SAFB: variants seen among roughly 807,000 people sequenced by gnomAD.
SAFB encodes scaffold attachment factor B1.
In SAFB, 15 loss-of-function variants were observed where a neutral mutation model predicts 101.6. The observed-to-expected ratio is 0.15, with a 90% confidence interval of 0.10 to 0.23. SAFB has a LOEUF of 0.23. SAFB is among the 10% of genes least tolerant of loss of function. SAFB has a pLI of 1.00. For missense variants in SAFB, 930 were observed against 1,104.1 expected, an observed-to-expected ratio of 0.84 and a Z score of 2.23; for synonymous variants, 449 against 407.5, an observed-to-expected ratio of 1.10 and a Z score of -1.23.
intron 13 of SAFB, among the ~76,000 whole-genome samples, chr19:5,656,969 C>T (rs975196914): frequency 3.3e-5 from 5 of 151,976 alleles, no homozygotes; most frequent in South Asian, 4.1e-4. Context: ...GACGGGGTTT[C>T]ACCGTGTTAG....
intron 2 of SAFB, among the ~76,000 whole-genome samples, chr19:5,638,143 A>C (rs1479945220): frequency 6.6e-6 from 1 of 152,114 alleles, no homozygotes; most frequent in African/African-American, 2.4e-5. Flanking sequence ...TGCCCTTGTG[A>C]ACTGTTGCAA....
At chr19:5,641,691 G>A (rs2053717160) in intron 3 of SAFB, 33 bp downstream of exon 3, 1 of 1,613,238 alleles carries the variant, frequency 6.2e-7, no homozygotes, top group Non-Finnish European at 8.5e-7. Flanking sequence ...GTAGCGTGGT[G>A]GATGGACCAG....
intron 14 of SAFB, among the ~76,000 whole-genome samples, chr19:5,659,282 G>C (rs1269142053): frequency 6.6e-6 from 1 of 152,134 alleles, no homozygotes; most frequent in East Asian, 1.9e-4. Context: ...TCCAGCCTGG[G>C]CAACAAGAGC....
intron 2 of SAFB, among the ~76,000 whole-genome samples, chr19:5,630,826 A>G (rs1186281772): frequency 1.3e-5 from 2 of 152,022 alleles, no homozygotes; most frequent in East Asian, 1.9e-4. Context: ...TTATTTTTAC[A>G]TTTTACATTT....
chr19:5,646,132 T>A (rs547157413), intron 5 of SAFB, among the ~76,000 whole-genome samples: 10 of 152,316 alleles, frequency 6.6e-5, no homozygotes, highest in African/African-American at 1.9e-4. Context: ...GAACTTTTTG[T>A]GGAGAAATGA....
chr19:5,623,355 G>A lies in SAFB; in HGVS notation c.150G>A (p.Ser50=), dbSNP rs1479407567. Reference sequence around the variant, plus strand: ...AGCTGAGGAAACGGAATGTGGACTCGAGCGGCAACAAGAGCGTTTTGATGG... The same window carrying A: ...AGCTGAGGAAACGGAATGTGGACTCAAGCGGCAACAAGAGCGTTTTGATGG... ...RAELRKRNVD[S]SGNKSVLMER... Residue 50 remains serine, a synonymous_variant, in exon 1 of 21, where the codon TCG becomes TCA. Coordinates refer to ENST00000588852, the MANE Select transcript of SAFB (RefSeq NM_001201338.2). The A allele has an allele frequency of 5.0e-6, 8 of 1,614,028 alleles. 1 individual carries two copies. In the South Asian group the frequency reaches 7.7e-5, roughly 16 times the overall value.
chr19:5,667,491 A>G lies in SAFB; in HGVS notation c.2557+41A>G. ...GGGCTGGGACCAGGATGTGCTGGGG[A>G]GTGATGGAAAGATGGAGGCCGCGCC... On this transcript the variant is annotated intron_variant, in intron 19 of 20. Coordinates refer to ENST00000588852, the MANE Select transcript of SAFB (RefSeq NM_001201338.2). This position sits in a 1 kb window ranked among gnomAD's most constrained non-coding sequence, Gnocchi z 4.0. 3 of 1,372,802 alleles carry G rather than the reference A, an allele frequency of 2.2e-6. No individual in the cohort carries two copies. Among genetic ancestry groups the G allele is most frequent in the Non-Finnish European group, 3.0e-6 (3 of 1,008,296 alleles). 85.0% of individuals were successfully genotyped at this position (1,372,802 alleles called of 1,614,324 possible). A position where few individuals can be genotyped will look rare whatever the true frequency, so the allele number is the denominator to read the frequency against.
intron 17 of SAFB, chr19:5,665,376 C>T (rs1289172796): frequency 6.6e-6 from 1 of 152,222 alleles, no homozygotes; most frequent in African/African-American, 2.4e-5. Flanking sequence ...GGTGTCACCC[C>T]TTCCTGCTGA....
chr19:5,642,602 G>A (rs915446985), intron 4 of SAFB, among the ~76,000 whole-genome samples: 1 of 143,714 alleles, frequency 7.0e-6, no homozygotes. Flanking sequence ...ATAGTGGGTA[G>A]TATTTCCTGA....
intron 2 of SAFB, among the ~76,000 whole-genome samples, chr19:5,635,796 T>C (rs757661368): frequency 2.7e-4 from 41 of 152,026 alleles, no homozygotes; most frequent in South Asian, 2.1e-4. Flanking sequence ...GTCATGCCCA[T>C]AGCTGAGACC....
At chr19:5,647,949 G>A in intron 5 of SAFB, 67 bp from the exon 6 acceptor site, 1 of 1,382,570 alleles carries the variant, frequency 7.2e-7, no homozygotes, top group Non-Finnish European at 1.0e-6. Flanking sequence ...GTTATTCTGG[G>A]TTTTCATTTA....
chr19:5,668,433 G>GTTTT lies in SAFB; in HGVS notation c.*151_*154dup. 1.5e-6 allele frequency: 1 copy of GTTTT among 668,206 alleles called. No homozygotes were observed. The highest frequency in any genetic ancestry group is 2.2e-6 in the Non-Finnish European group (1 of 452,336). 41.4% of individuals were successfully genotyped at this position (668,206 alleles called of 1,614,324 possible). ...ATGTGAATTTGTTTTTCGTTTTGGG[G>GTTTT]TTTTTTTTTTTTGTAATAAATGTGT... On this transcript the variant is annotated 3_prime_UTR_variant, in exon 21 of 21. Transcript: ENST00000588852.
At chr19:5,652,459 T>A (rs955011129) in intron 9 of SAFB, among the ~76,000 whole-genome samples, 5 of 152,196 alleles carry the variant, frequency 3.3e-5, no homozygotes, top group African/African-American at 4.8e-5. Context: ...GAATGTCCTC[T>A]GGGACTAGGA....
intron 2 of SAFB, among the ~76,000 whole-genome samples, chr19:5,635,888 A>G (rs1300251470): frequency 2.6e-5 from 4 of 152,122 alleles, no homozygotes; most frequent in African/African-American, 9.7e-5. Flanking sequence ...ATGGCTCTTC[A>G]GTTTTTGCCA....
chr19:5,642,004 A>G, intron 4 of SAFB, 58 bp downstream of exon 4: 1 of 1,346,390 alleles, frequency 7.4e-7, no homozygotes, highest in Non-Finnish European at 1.1e-6. Flanking sequence ...CCACAATTAA[A>G]ATAGGTGATC....
At chr19:5,647,690 C>T (rs1234278079) in intron 5 of SAFB, among the ~76,000 whole-genome samples, 1 of 152,170 alleles carries the variant, frequency 6.6e-6, no homozygotes, top group East Asian at 1.9e-4. Flanking sequence ...CCTCTAGATG[C>T]TAACAGTAGA....
rs373815918 is a variant in SAFB, at chr19:5,649,051, A to G, written c.700A>G (p.Ser234Gly). Reference sequence around the variant, plus strand: ...TAAATCTGAGCCAGTAAAAGAAGAAAGTTCCGAGCTGGAGCAGCCATTTGC... The same window carrying G: ...TAAATCTGAGCCAGTAAAAGAAGAAGGTTCCGAGCTGGAGCAGCCATTTGC... ...TCKSEPVKEE[S>G]SELEQPFAQD... The change falls in exon 7 of 21, where the codon AGT (serine) becomes GGT (glycine). Residue 234 changes from serine (S) to glycine (G), a missense_variant. By Grantham distance (56) the Ser-to-Gly change is moderately conservative. This residue lies in a region of SAFB where 130 missense variants were observed against 114.2 expected (regional missense o/e 1.14). Coordinates refer to ENST00000588852, the MANE Select transcript of SAFB (RefSeq NM_001201338.2). The G allele has an allele frequency of 6.4e-5, 32 of 496,590 alleles. No homozygotes were observed. The African/African-American group carries it at 1.1e-3, about 16-fold the overall frequency. 30.8% of individuals were successfully genotyped at this position (496,590 alleles called of 1,614,324 possible).
At position 5,667,854 on chromosome 19, in the gene SAFB, T is replaced by A; in HGVS notation, c.2592T>A (p.Pro864=). Residue 864 remains proline, a synonymous_variant, in exon 20 of 21, where the codon CCT becomes CCA. Coordinates refer to ENST00000588852, the MANE Select transcript of SAFB (RefSeq NM_001201338.2). The surrounding 1 kb of genome is among the most constrained non-coding windows in gnomAD (Gnocchi z 4.0). ...GERSMSGHSG[P]GHMMNRGGMS... ...GAAGCATGTCCGGTCACTCCGGGCCTGGCCACATGATGAACCGAGGAGGAA... is the reference window on the plus strand; with the variant it reads ...GAAGCATGTCCGGTCACTCCGGGCCAGGCCACATGATGAACCGAGGAGGAA... 6.8e-6 allele frequency: 11 copies of A among 1,611,128 alleles called. No homozygotes were observed. The highest frequency in any genetic ancestry group is 9.3e-6 in the Non-Finnish European group (11 of 1,178,742).
Position 5,641,962 on chromosome 19 carries a change from T to C in SAFB, c.546+16T>C, listed in dbSNP as rs774139180. On this transcript the variant is annotated intron_variant, in intron 4 of 20. Coordinates refer to ENST00000588852, the MANE Select transcript of SAFB (RefSeq NM_001201338.2). ...GGAACATGCTGTAGGTAACCGGCAATGTCTCTAGAATGTGCCCTGAATGTA... is the reference window on the plus strand; with the variant it reads ...GGAACATGCTGTAGGTAACCGGCAACGTCTCTAGAATGTGCCCTGAATGTA... 8 of 1,602,486 alleles carry C rather than the reference T, an allele frequency of 5.0e-6. No individual in the cohort carries two copies. The Admixed American group carries it at 1.0e-4, about 20-fold the overall frequency.
Sources: allele counts gnomAD v4.1 joint callset (sites outside exome capture counted in the v4.1 genomes callset), GRCh38; gene constraint gnomAD v4.1.1; regional missense constraint gnomAD v4.1.1; non-coding constraint Gnocchi (gnomAD v3.1); transcripts MANE v1.5; gene names NCBI Gene and HGNC (gene_info 2026-07-23, HGNC 2026-07-21).